LOC128462377: variants seen among roughly 807,000 people sequenced by gnomAD.
the LOC128462377 span, among the ~76,000 whole-genome samples, chr16:89,355,011 G>A: frequency 6.6e-6 from 1 of 152,188 alleles, no homozygotes; most frequent in African/African-American, 2.4e-5. Flanking sequence ...TTCACATGCT[G>A]AAGACCCACC....
chr16:89,375,178 G>C, the LOC128462377 span, among the ~76,000 whole-genome samples: 1 of 152,106 alleles, frequency 6.6e-6, no homozygotes, highest in East Asian at 1.9e-4. Context: ...GCCACAGCCT[G>C]TGCTACCGCG....
chr16:89,390,658 CAGGCAAA>C, the LOC128462377 span, among the ~76,000 whole-genome samples: 7 of 152,072 alleles, frequency 4.6e-5, no homozygotes, highest in African/African-American at 1.7e-4. Flanking sequence ...TAAAGAAGAA[CAGGCAAA>C]AGGGACGACA....
the LOC128462377 span, among the ~76,000 whole-genome samples, chr16:89,367,577 C>CCGT: frequency 6.6e-6 from 1 of 152,344 alleles, no homozygotes; most frequent in East Asian, 1.9e-4. Context: ...TGTTCCTGAC[C>CCGT]CGTCCCTCCT....
At chr16:89,405,491 A>AT in the LOC128462377 span, among the ~76,000 whole-genome samples, 8,059 of 111,402 alleles carry the variant, frequency 0.072, 706 homozygotes, top group African/African-American at 0.2. Context: ...CACCTGGCTC[A>AT]TTTTTTTTTT....
At chr16:89,384,570 T>C in the LOC128462377 span, among the ~76,000 whole-genome samples, 4 of 150,298 alleles carry the variant, frequency 2.7e-5, no homozygotes, top group Middle Eastern at 6.3e-3. Context: ...TGGGACAGGA[T>C]GGGACGGGAC....
chr16:89,351,431 G>T, the LOC128462377 span, among the ~76,000 whole-genome samples: 30 of 152,104 alleles, frequency 2.0e-4, no homozygotes, highest in Non-Finnish European at 3.5e-4. Flanking sequence ...CACTACCTCC[G>T]CAAATCACTC....
chr16:89,353,444 G>A, the LOC128462377 span, among the ~76,000 whole-genome samples: 10 of 152,238 alleles, frequency 6.6e-5, no homozygotes, highest in East Asian at 1.7e-3. Flanking sequence ...AGCAGTAAGA[G>A]GAACACCAGT....
At chr16:89,375,465 T>G in the LOC128462377 span, among the ~76,000 whole-genome samples, 1 of 218 alleles carries the variant, frequency 4.6e-3, no homozygotes, top group African/African-American at 0.25. Flanking sequence ...ACTCTATCTC[T>G]TTTTTTTTTT....
chr16:89,401,240 G>A, the LOC128462377 span, among the ~76,000 whole-genome samples: 3 of 151,996 alleles, frequency 2.0e-5, no homozygotes, highest in Admixed American at 6.5e-5. Context: ...CACCACGCCC[G>A]GCTAACATTT....
At chr16:89,335,583 C>T in the LOC128462377 span, among the ~76,000 whole-genome samples, 1 of 152,198 alleles carries the variant, frequency 6.6e-6, no homozygotes, top group African/African-American at 2.4e-5. Flanking sequence ...CAGCGAGTGA[C>T]GTCGCTTTGG....
the LOC128462377 span, among the ~76,000 whole-genome samples, chr16:89,339,320 A>T: frequency 6.6e-6 from 1 of 152,228 alleles, no homozygotes; most frequent in Non-Finnish European, 1.5e-5. Context: ...CCAAAGGAGT[A>T]AGAGAGGCCC....
At chr16:89,357,668 CGACTCAGCCCTAACGAG>C in the LOC128462377 span, among the ~76,000 whole-genome samples, 1 of 152,188 alleles carries the variant, frequency 6.6e-6, no homozygotes, top group South Asian at 2.1e-4. Flanking sequence ...CAGCATAACG[CGACTCAGCCCTAACGAG>C]GAATGCCTGT....
chr16:89,346,869 A>G, the LOC128462377 span, among the ~76,000 whole-genome samples: 3 of 152,370 alleles, frequency 2.0e-5, no homozygotes, highest in South Asian at 6.2e-4. Context: ...CAAAAAGCAA[A>G]CATGTAACAG....
At chr16:89,330,562 G>T in the LOC128462377 span, among the ~76,000 whole-genome samples, 2 of 151,426 alleles carry the variant, frequency 1.3e-5, no homozygotes, top group Non-Finnish European at 2.9e-5. Flanking sequence ...GGTGGTGTGG[G>T]GGGGAGCCAC....
the LOC128462377 span, chr16:89,317,053 G>T: frequency 6.3e-7 from 1 of 1,599,464 alleles, no homozygotes; most frequent in Non-Finnish European, 8.5e-7. Flanking sequence ...CATTTACACG[G>T]CCGGCGCTTC....
the LOC128462377 span, among the ~76,000 whole-genome samples, chr16:89,397,466 C>A: frequency 1.3e-5 from 2 of 152,264 alleles, no homozygotes; most frequent in South Asian, 4.1e-4. Flanking sequence ...GGGGGACCCA[C>A]AGGAAGCAGG....
the LOC128462377 span, among the ~76,000 whole-genome samples, chr16:89,334,834 G>A: frequency 6.6e-6 from 1 of 152,086 alleles, no homozygotes; most frequent in Non-Finnish European, 1.5e-5. Flanking sequence ...ACAACACACG[G>A]GGCGCACGTG....
the LOC128462377 span, among the ~76,000 whole-genome samples, chr16:89,349,070 G>T: frequency 7.8e-6 from 1 of 127,688 alleles, no homozygotes; most frequent in Non-Finnish European, 1.6e-5. Context: ...GGAGGTTACA[G>T]TGAGTCTAGA....
the LOC128462377 span, among the ~76,000 whole-genome samples, chr16:89,380,382 G>C: frequency 6.6e-6 from 1 of 152,160 alleles, no homozygotes; most frequent in Non-Finnish European, 1.5e-5. Context: ...AAAGTGCTGG[G>C]ATTACAGGTG....
Sources: allele counts gnomAD v4.1 joint callset (sites outside exome capture counted in the v4.1 genomes callset), GRCh38; gene constraint gnomAD v4.1.1; transcripts MANE v1.5.